Variants in MICAL2 observed in about 807,000 individuals in gnomAD.
The protein encoded by MICAL2 is [F-actin]-monooxygenase MICAL2.
Under a neutral mutation model 127.3 loss-of-function variants are expected in MICAL2, and 77 were observed. That is an observed-to-expected ratio of 0.60 (90% CI 0.50 to 0.73). The LOEUF (loss-of-function observed/expected upper bound fraction) is 0.73, where lower values mean the gene tolerates loss of function less well. Among genes scored for constraint, MICAL2 ranks in the 30% least tolerant of loss-of-function variants. The pLI is 0.00. For missense variants in MICAL2, 1,351 were observed against 1,434.4 expected (o/e 0.94, Z 0.94); for synonymous variants, 570 against 551.1 (o/e 1.03, Z -0.48).
intron 16 of MICAL2, among the ~76,000 whole-genome samples, chr11:12,238,806 T>G (rs995966858): frequency 5.9e-5 from 9 of 152,236 alleles, no homozygotes; most frequent in African/African-American, 1.9e-4. Context: ...GTGAAGGGTA[T>G]GCAGGGACAG....
intron 3 of MICAL2, 22 bp downstream of exon 3, chr11:12,162,441 C>G: frequency 6.2e-7 from 1 of 1,611,938 alleles, no homozygotes; most frequent in Non-Finnish European, 8.5e-7. Context: ...CCCTCCTAGT[C>G]TTACCTTTGC....
chr11:12,359,046 G>T (rs768599522), downstream of MICAL2: 2 of 152,484 alleles, frequency 1.3e-5, no homozygotes, highest in African/African-American at 4.8e-5. Context: ...ATTCAATCCA[G>T]GGTGAATTTA....
In MICAL2 at chr11:12,328,495, T is replaced by C. The variant is rs577156532; in HGVS notation, c.5515+1229T>C. ...GGGAACAGCACCTGCAAAGGTCAAA[T>C]GTGGAAAGACATGAAATATCTTCAC... On this transcript the variant is annotated intron_variant, in intron 32 of 34. Transcript: ENST00000646065. Among the ~76,000 whole-genome samples the C allele has an allele frequency of 1.3e-5, 2 of 152,278 alleles. 1 individual carries two copies. Among genetic ancestry groups the C allele is most frequent in the South Asian group, 4.1e-4 (2 of 4,830 alleles).
rs542751478 is a variant in MICAL2, at chr11:12,208,282, T to A, written c.589+143T>A. ...AATGCCACTGAAGGGTATTTTACTG[T>A]TTTTTTTTTACCATTGCTATGACTT... On this transcript the variant is annotated intron_variant, in intron 5 of 27. Transcript: ENST00000683283. 377 of 129,352 alleles carry A rather than the reference T, an allele frequency of 2.9e-3. 2 individuals carry two copies. In the African/African-American group the frequency reaches 0.052, roughly 18 times the overall value. 8.0% of individuals were successfully genotyped at this position (129,352 alleles called of 1,614,324 possible).
chr11:12,163,694 GA>G (rs1261684849), intron 3 of MICAL2: 1 of 152,518 alleles, frequency 6.6e-6, no homozygotes, highest in Non-Finnish European at 1.5e-5. Flanking sequence ...GGGAGGTAGG[GA>G]AAAGGAAGGG....
chr11:12,162,567 G>T, intron 3 of MICAL2, 148 bp downstream of exon 3: 2 of 1,123,740 alleles, frequency 1.8e-6, no homozygotes, highest in Non-Finnish European at 2.5e-6. Context: ...GGTTTCCTTT[G>T]TCTCTAAGCA....
At position 12,354,970 on chromosome 11, in the gene MICAL2, A is replaced by G. The variant is rs527803693; in HGVS notation, c.5689+113A>G. ...TCCTGCCTGCCAGCCTGCAAGTTAGAGGAAAGTACAAAGCCAGCCTGCCTC... is the reference window on the plus strand; with the variant it reads ...TCCTGCCTGCCAGCCTGCAAGTTAGGGGAAAGTACAAAGCCAGCCTGCCTC... On this transcript the variant is annotated intron_variant, in intron 34 of 34. Coordinates refer to the MICAL2 transcript ENST00000646065. The G allele has an allele frequency of 1.2e-4, 118 of 986,184 alleles. No individual in the cohort carries two copies. The African/African-American group carries it at 1.5e-3, about 13-fold the overall frequency. The allele number at this position is 986,184 out of a possible 1,614,324, so 61.1% of individuals were successfully genotyped here. A position where few individuals can be genotyped will look rare whatever the true frequency, so the allele number is the denominator to read the frequency against.
intron 9 of MICAL2, 97 bp from the exon 10 acceptor site, chr11:12,221,547 C>A: frequency 1.2e-6 from 1 of 843,378 alleles, no homozygotes; most frequent in Non-Finnish European, 1.9e-6. Flanking sequence ...CTCCAGTGCC[C>A]TGCACAGTCC....
At chr11:12,327,081 C>T (rs1864361256) in intron 31 of MICAL2, 1 of 1,097,158 alleles carries the variant, frequency 9.1e-7, no homozygotes, top group African/African-American at 1.6e-5. Context: ...AGTGAAAGGG[C>T]CTCTTTCTCC....
chr11:12,264,898 C>A (rs1863557384), downstream of MICAL2, among the ~76,000 whole-genome samples: 1 of 152,204 alleles, frequency 6.6e-6, no homozygotes, highest in African/African-American at 2.4e-5. Context: ...CACCTCCCTG[C>A]ACCTTAGAGA....
rs150135535 is a variant in MICAL2, at chr11:12,350,464, C to T, written c.5615+527C>T. Reference sequence around the variant, plus strand: ...TCTGAAAAAGCTGAAGGTCACTATACCTGTCATCATTCTAGAGGGAAAAAA... The same window carrying T: ...TCTGAAAAAGCTGAAGGTCACTATATCTGTCATCATTCTAGAGGGAAAAAA... On this transcript the variant is annotated intron_variant, in intron 33 of 34. Coordinates refer to the MICAL2 transcript ENST00000646065. Among the ~76,000 whole-genome samples the T allele has an allele frequency of 2.0e-4, 30 of 152,264 alleles. No homozygotes were observed. In the East Asian group the frequency reaches 5.0e-3, roughly 25 times the overall value.
At chr11:12,334,197 A>G (rs1317374337) in intron 32 of MICAL2, among the ~76,000 whole-genome samples, 1 of 152,182 alleles carries the variant, frequency 6.6e-6, no homozygotes, top group Non-Finnish European at 1.5e-5. Context: ...GAACCCCTGA[A>G]GATACCAAAA....
intron 33 of MICAL2, among the ~76,000 whole-genome samples, chr11:12,351,958 T>A (rs1448436402): frequency 1.3e-5 from 2 of 152,158 alleles, no homozygotes; most frequent in East Asian, 3.9e-4. Flanking sequence ...CAGCTAATTT[T>A]TGTATTTTTA....
intron 3 of MICAL2, among the ~76,000 whole-genome samples, chr11:12,166,370 CAG>C (rs1229360154): frequency 6.6e-6 from 1 of 152,192 alleles, no homozygotes; most frequent in Non-Finnish European, 1.5e-5. Context: ...AGGCATTTGA[CAG>C]AGAGGATAGT....
At chr11:12,112,482 T>C (rs977676850) in intron 1 of MICAL2, among the ~76,000 whole-genome samples, 1 of 150,342 alleles carries the variant, frequency 6.7e-6, no homozygotes, top group African/African-American at 2.5e-5. Context: ...TGGTATAGTC[T>C]AGGAGGACTG....
intron 3 of MICAL2, among the ~76,000 whole-genome samples, chr11:12,192,632 C>G (rs1859346097): frequency 6.6e-6 from 1 of 151,936 alleles, no homozygotes; most frequent in Non-Finnish European, 1.5e-5. Flanking sequence ...ACAAAAATTA[C>G]CCAGGTGCGA....
chr11:12,349,529 A>C (rs1467267575), intron 32 of MICAL2, among the ~76,000 whole-genome samples: 1 of 152,192 alleles, frequency 6.6e-6, no homozygotes, highest in Non-Finnish European at 1.5e-5. Flanking sequence ...TAAGTTTTAC[A>C]AAGAATATAC....
intron 15 of MICAL2, among the ~76,000 whole-genome samples, chr11:12,231,227 T>G (rs891975474): frequency 2.0e-5 from 3 of 152,192 alleles, no homozygotes; most frequent in Non-Finnish European, 4.4e-5. Flanking sequence ...GAACACCAAT[T>G]TTTGTCCCAT....
intron 3 of MICAL2, among the ~76,000 whole-genome samples, chr11:12,175,038 G>T (rs1355731853): frequency 6.6e-6 from 1 of 152,128 alleles, no homozygotes; most frequent in Non-Finnish European, 1.5e-5. Flanking sequence ...TGGGAGGATC[G>T]CTTGAGCCTG....
Sources: allele counts gnomAD v4.1 joint callset (sites outside exome capture counted in the v4.1 genomes callset), GRCh38; gene constraint gnomAD v4.1.1; transcripts MANE v1.5; gene names NCBI Gene and HGNC (gene_info 2026-07-23, HGNC 2026-07-21).